GIGYF2: variants seen among roughly 807,000 people sequenced by gnomAD.
The protein encoded by GIGYF2 is GRB10-interacting GYF protein 2.
In GIGYF2, 25 loss-of-function variants were observed where a neutral mutation model predicts 208.1. The ratio of observed to expected loss-of-function variants is 0.12; its 90% CI spans 0.09 to 0.17. GIGYF2 has a LOEUF of 0.17. GIGYF2 is among the 10% of genes least tolerant of loss of function. The pLI is 1.00. For missense variants in GIGYF2, 1,302 were observed against 1,579.4 expected (o/e 0.82, Z 2.98); for synonymous variants, 534 against 543.8 (o/e 0.98, Z 0.25).
At chr2:232,850,112 G>A (rs1246375230) in intron 27 of GIGYF2, 150 bp from the exon 28 acceptor site, 1 of 752,032 alleles carries the variant, frequency 1.3e-6, no homozygotes, top group Non-Finnish European at 2.3e-6. Context: ...GGCCGCTCTT[G>A]ATTTTATTAT....
intron 21 of GIGYF2, among the ~76,000 whole-genome samples, chr2:232,826,866 TAC>T (rs1701261846): frequency 6.6e-6 from 1 of 152,224 alleles, no homozygotes; most frequent in Non-Finnish European, 1.5e-5. Context: ...AAGAAATTGC[TAC>T]AGTCATCCCA....
chr2:232,747,234 A>C (rs1251409585), intron 3 of GIGYF2, among the ~76,000 whole-genome samples: 1 of 152,190 alleles, frequency 6.6e-6, no homozygotes, highest in African/African-American at 2.4e-5. Flanking sequence ...ATCCTTACCA[A>C]CACCTGGTAT....
chr2:232,753,217 G>A lies in GIGYF2; in HGVS notation c.268-3006G>A, dbSNP rs576867862. ...TGGCTCACTGCAACCTCCGCTTCTCGGGTTCAAGTAATTCTTCTGCCTCAG... is the reference window on the plus strand; with the variant it reads ...TGGCTCACTGCAACCTCCGCTTCTCAGGTTCAAGTAATTCTTCTGCCTCAG... On this transcript the variant is annotated intron_variant, in intron 5 of 28. Coordinates refer to ENST00000373563, the MANE Select transcript of GIGYF2 (RefSeq NM_001103146.3). 1.1e-3 allele frequency among the ~76,000 whole-genome samples: 174 copies of A among 151,882 alleles called. 1 individual carries two copies. Among genetic ancestry groups the A allele is most frequent in the Non-Finnish European group, 2.4e-3 (163 of 67,940 alleles).
intron 3 of GIGYF2, 139 bp from the exon 4 acceptor site, chr2:232,747,470 TTAAAGC>T (rs1698187607): frequency 1.2e-6 from 1 of 852,958 alleles, no homozygotes; most frequent in African/African-American, 1.7e-5. Context: ...AAAGATTGTA[TTAAAGC>T]TAAAGTCTGA....
chr2:232,706,847 T>C (rs536232422), intron 2 of GIGYF2, among the ~76,000 whole-genome samples: 7 of 151,592 alleles, frequency 4.6e-5, no homozygotes, highest in Non-Finnish European at 1.0e-4. Context: ...TGGTCCCAGT[T>C]ACTTGGGAGG....
Position 232,833,033 on chromosome 2 carries a change from G to C in GIGYF2, c.2706G>C (p.Gln902His), listed in dbSNP as rs1034930865. 7 of 1,562,450 alleles carry C rather than the reference G, an allele frequency of 4.5e-6. No individual in the cohort carries two copies. The East Asian group carries it at 1.4e-4, about 32-fold the overall frequency. The part of the protein sequence containing the change: ...QKELMRQRQQ[Q>H]QEALRRLQQQ... The stretch of plus-strand genomic sequence containing the variant: ...AGTTAATGCGCCAGAGGCAGCAGCA[G>C]CAAGAGGCTCTCCGGAGGTTGCAGC... Residue 902 changes from glutamine (Q) to histidine (H), a missense_variant, in exon 22 of 29, where the codon CAG (glutamine) becomes CAC (histidine). Gln to His is a conservative substitution (Grantham distance 24). This residue lies in a region of GIGYF2 where 701 missense variants were observed against 793.0 expected (regional missense o/e 0.88). Coordinates refer to ENST00000373563, the MANE Select transcript of GIGYF2 (RefSeq NM_001103146.3).
At chr2:232,776,543 T>C (rs994855550) in intron 8 of GIGYF2, 2 of 889,560 alleles carry the variant, frequency 2.2e-6, no homozygotes, top group African/African-American at 3.3e-5. Flanking sequence ...ACAAGTCTAG[T>C]TTGTAGGTTC....
At chr2:232,802,029 T>C (rs1169212373) in intron 14 of GIGYF2, among the ~76,000 whole-genome samples, 2 of 152,212 alleles carry the variant, frequency 1.3e-5, no homozygotes, top group Non-Finnish European at 2.9e-5. Context: ...TTTGATGTTA[T>C]TGTAAGGGGA....
rs1574920228 is a variant in GIGYF2, at chr2:232,819,007, A to T, written c.2371-820A>T. 5.5e-5 allele frequency among the ~76,000 whole-genome samples: 8 copies of T among 146,314 alleles called. No homozygotes were observed. In the South Asian group the frequency reaches 1.5e-3, roughly 28 times the overall value. On this transcript the variant is annotated intron_variant, in intron 20 of 28. Transcript: ENST00000373563. ...TTTTTCTTTTTTTGTTGTTGGGGGG[A>T]ATTCACCATTCATGTGCTTGGCTCA...
chr2:232,747,943 C>G (rs761886860), intron 4 of GIGYF2, among the ~76,000 whole-genome samples, 199 bp downstream of exon 4: 35 of 152,284 alleles, frequency 2.3e-4, no homozygotes, highest in Middle Eastern at 6.8e-3. Flanking sequence ...TTTTAGGCAG[C>G]TTCATGGAAA....
At chr2:232,834,173 G>GCGCAGTAAGGTTTAGTGTCCCCTATCTT (rs1701509985) in intron 22 of GIGYF2, among the ~76,000 whole-genome samples, 1 of 152,148 alleles carries the variant, frequency 6.6e-6, no homozygotes, top group African/African-American at 2.4e-5. Flanking sequence ...GGTCTGCAGT[G>GCGCAGTAAGGTTTAGTGTCCCCTATCTT]CGCAGTAAGG....
chr2:232,766,127 A>G, intron 8 of GIGYF2: 1 of 388,188 alleles, frequency 2.6e-6, no homozygotes. Context: ...CTGTGATTTG[A>G]AATAAGTGAA....
intron 8 of GIGYF2, among the ~76,000 whole-genome samples, chr2:232,778,245 A>G (rs543335959): frequency 1.8e-4 from 27 of 152,204 alleles, no homozygotes; most frequent in South Asian, 6.2e-4. Flanking sequence ...CTGAGAATAC[A>G]TATTATAGTA....
At chr2:232,811,466 A>C in intron 17 of GIGYF2, 115 bp downstream of exon 17, 1 of 725,620 alleles carries the variant, frequency 1.4e-6, no homozygotes, top group Non-Finnish European at 2.5e-6. Flanking sequence ...CTCCCAACAC[A>C]TACCTGCATG....
chr2:232,792,577 T>C (rs1038571702), intron 12 of GIGYF2, among the ~76,000 whole-genome samples: 2 of 151,914 alleles, frequency 1.3e-5, no homozygotes, highest in African/African-American at 4.9e-5. Flanking sequence ...GACCCCTGTC[T>C]CTAAAAACAA....
chr2:232,734,059 A>G (rs1213450336), intron 2 of GIGYF2, among the ~76,000 whole-genome samples: 3 of 150,886 alleles, frequency 2.0e-5, no homozygotes, highest in African/African-American at 7.3e-5. Context: ...TTAACTTGAC[A>G]ATCTGAAGCA....
At chr2:232,712,381 C>T (rs919761828) in intron 2 of GIGYF2, among the ~76,000 whole-genome samples, 2 of 152,234 alleles carry the variant, frequency 1.3e-5, no homozygotes, top group South Asian at 4.1e-4. Context: ...AGATGTATTC[C>T]TAGGGATCAA....
intron 1 of GIGYF2, among the ~76,000 whole-genome samples, chr2:232,697,705 A>T (rs1469493159): frequency 6.6e-6 from 1 of 152,230 alleles, no homozygotes; most frequent in Admixed American, 6.5e-5. Flanking sequence ...GGGGAGCCGA[A>T]CAAGGCAGGA....
intron 14 of GIGYF2, among the ~76,000 whole-genome samples, chr2:232,797,373 C>T (rs1700253953): frequency 6.6e-6 from 1 of 152,032 alleles, no homozygotes; most frequent in Non-Finnish European, 1.5e-5. Flanking sequence ...AATTAACTCC[C>T]CTTGCACTCT....
Sources: allele counts gnomAD v4.1 joint callset (sites outside exome capture counted in the v4.1 genomes callset), GRCh38; gene constraint gnomAD v4.1.1; regional missense constraint gnomAD v4.1.1; transcripts MANE v1.5; gene names NCBI Gene and HGNC (gene_info 2026-07-23, HGNC 2026-07-21).